Variants in PDE3B observed in about 807,000 individuals in gnomAD.
PDE3B encodes the protein phosphodiesterase 3B.
In PDE3B, 66 loss-of-function variants were observed where a neutral mutation model predicts 116.8. That is an observed-to-expected ratio of 0.56 (90% CI 0.46 to 0.69). The LOEUF is 0.69. Among genes scored for constraint, PDE3B ranks in the 30% least tolerant of loss-of-function variants. The probability of loss-of-function intolerance (pLI) is 0.00; values close to 1 mark genes in which losing one functional copy is unlikely to be tolerated. For synonymous variants in PDE3B, 595 were observed against 533.6 expected (o/e 1.12, Z -1.59); for missense variants, 1,384 against 1,368.1 (o/e 1.01, Z -0.18).
intron 1 of PDE3B, among the ~76,000 whole-genome samples, chr11:14,715,487 G>A (rs1855849395): frequency 6.6e-6 from 1 of 152,138 alleles, no homozygotes; most frequent in Non-Finnish European, 1.5e-5. Context: ...TCCCTTGTAA[G>A]TTGGATTCCT....
intron 1 of PDE3B, chr11:14,674,550 A>T (rs1854473361): frequency 4.5e-6 from 2 of 442,846 alleles, no homozygotes; most frequent in Non-Finnish European, 8.9e-6. Flanking sequence ...CCTGTTTTGA[A>T]GCCATTTATA....
chr11:14,817,988 T>A (rs1028461205), intron 5 of PDE3B, among the ~76,000 whole-genome samples, 195 bp from the exon 6 acceptor site: 4 of 152,210 alleles, frequency 2.6e-5, no homozygotes, highest in African/African-American at 7.2e-5. Context: ...CAGCCATTGA[T>A]CATGACAAAT....
rs35700152 is a variant in PDE3B, at chr11:14,688,113, T to TTCTCTCTC, written c.978+43083_978+43090dup. On this transcript the variant is annotated intron_variant, in intron 1 of 15. Transcript: ENST00000282096. Reference sequence around the variant, plus strand: ...TTTCTTTCTTTCTCTCTCTCTCTCTTTCTCTCTCTCTCTCTCTCTCTCTCT... The same window carrying TTCTCTCTC: ...TTTCTTTCTTTCTCTCTCTCTCTCTTTCTCTCTCTCTCTCTCTCTCTCTCTCTCTCTCT... Among the ~76,000 whole-genome samples the TTCTCTCTC allele has an allele frequency of 2.5e-3, 280 of 109,916 alleles. 4 individuals carry two copies. The highest frequency in any genetic ancestry group is 9.2e-3 in the African/African-American group (261 of 28,378). The allele number at this position is 109,916 out of a possible 152,430, so 72.1% of individuals were successfully genotyped here.
Position 14,722,633 on chromosome 11 carries a change from C to G in PDE3B, c.979-49304C>G, listed in dbSNP as rs190040422. Among the ~76,000 whole-genome samples, 8 of 152,192 alleles carry G rather than the reference C, an allele frequency of 5.3e-5. No homozygotes were observed. In the East Asian group the frequency reaches 1.5e-3, roughly 29 times the overall value. ...AGTTTTTTGAAGAGCTAAAGCCTGC[C>G]AATAACCATGTGAGCGAGCTGAGAA... On this transcript the variant is annotated intron_variant, in intron 1 of 15. Transcript: ENST00000282096.
chr11:14,822,747 A>T (rs1859560855), intron 7 of PDE3B, among the ~76,000 whole-genome samples: 1 of 152,174 alleles, frequency 6.6e-6, no homozygotes. Flanking sequence ...GCAAAGTAGG[A>T]GGTTAGACCC....
intron 15 of PDE3B, among the ~76,000 whole-genome samples, chr11:14,868,143 G>A (rs1446032679): frequency 1.3e-5 from 2 of 152,096 alleles, no homozygotes; most frequent in African/African-American, 4.8e-5. Context: ...TATATGCCGG[G>A]TACTGGGTGA....
At chr11:14,714,113 G>A (rs1392207087) in intron 1 of PDE3B, among the ~76,000 whole-genome samples, 1 of 151,954 alleles carries the variant, frequency 6.6e-6, no homozygotes, top group Admixed American at 6.6e-5. Flanking sequence ...TGGTTAAAGA[G>A]GAAGTCTGCT....
the PDE3B span, among the ~76,000 whole-genome samples, chr11:14,897,866 T>G: frequency 6.6e-6 from 1 of 152,190 alleles, no homozygotes; most frequent in Non-Finnish European, 1.5e-5. Flanking sequence ...CATCTCTACC[T>G]GTGAGCCCCT....
intron 1 of PDE3B, among the ~76,000 whole-genome samples, chr11:14,756,638 G>A (rs1336615613): frequency 3.9e-5 from 6 of 152,106 alleles, no homozygotes; most frequent in East Asian, 1.9e-4. Context: ...GGAAAACTGC[G>A]AGTTAGAGAG....
At chr11:14,856,631 G>A (rs373394776) in intron 12 of PDE3B, among the ~76,000 whole-genome samples, 1 of 152,078 alleles carries the variant, frequency 6.6e-6, no homozygotes, top group African/African-American at 2.4e-5. Context: ...GAGAAGGGCA[G>A]ATCACGAGGT....
downstream of PDE3B, among the ~76,000 whole-genome samples, chr11:14,876,384 G>A (rs1376644355): frequency 6.6e-6 from 1 of 152,096 alleles, no homozygotes; most frequent in Non-Finnish European, 1.5e-5. Flanking sequence ...AAGAAGGTAG[G>A]TTGGAAAGTT....
chr11:14,850,004 C>T (rs573791097), intron 12 of PDE3B, among the ~76,000 whole-genome samples: 1 of 152,016 alleles, frequency 6.6e-6, no homozygotes, highest in Admixed American at 6.6e-5. Flanking sequence ...ACCCAAAGGA[C>T]TATAAATCAT....
chr11:14,656,699 A>G (rs11023293), intron 1 of PDE3B, among the ~76,000 whole-genome samples: 18,139 of 152,232 alleles, frequency 0.12, 1,378 homozygotes, highest in African/African-American at 0.22. Context: ...GTGAGGATTA[A>G]TAACCTGTAA....
At chr11:14,683,302 T>A (rs991373152) in intron 1 of PDE3B, among the ~76,000 whole-genome samples, 3 of 151,952 alleles carry the variant, frequency 2.0e-5, no homozygotes, top group African/African-American at 7.3e-5. Flanking sequence ...CTCAATTTTT[T>A]TTTTCTTTTT....
chr11:14,783,292 A>G (rs1297988498), intron 2 of PDE3B, among the ~76,000 whole-genome samples: 2 of 152,252 alleles, frequency 1.3e-5, no homozygotes, highest in Non-Finnish European at 2.9e-5. Flanking sequence ...TCATGCTGCT[A>G]TAAAGACACA....
chr11:14,659,100 A>G (rs1853809365), intron 1 of PDE3B, among the ~76,000 whole-genome samples: 2 of 152,216 alleles, frequency 1.3e-5, no homozygotes, highest in African/African-American at 2.4e-5. Context: ...CAGCAGGGGA[A>G]GCTTACTTAG....
intron 1 of PDE3B, among the ~76,000 whole-genome samples, chr11:14,678,864 T>C (rs1453638459): frequency 6.6e-6 from 1 of 152,190 alleles, no homozygotes; most frequent in African/African-American, 2.4e-5. Flanking sequence ...TGTTTTCTTA[T>C]AAATCTTATA....
intron 4 of PDE3B, among the ~76,000 whole-genome samples, chr11:14,803,461 A>G (rs1590158285): frequency 6.6e-6 from 1 of 152,218 alleles, no homozygotes; most frequent in Non-Finnish European, 1.5e-5. Flanking sequence ...ACTCCATCAT[A>G]TAAGAACTTG....
chr11:14,677,087 G>T (rs2133789157), intron 1 of PDE3B, among the ~76,000 whole-genome samples: 1 of 152,152 alleles, frequency 6.6e-6, no homozygotes, highest in South Asian at 2.1e-4. Flanking sequence ...TAAATTGGTA[G>T]TATATTTGTT....
Sources: allele counts gnomAD v4.1 joint callset (sites outside exome capture counted in the v4.1 genomes callset), GRCh38; gene constraint gnomAD v4.1.1; transcripts MANE v1.5; gene names NCBI Gene and HGNC (gene_info 2026-07-23, HGNC 2026-07-21).